The following EXTL3 variants were observed in gnomAD, a reference collection of about 807,000 sequenced individuals.
EXTL3 encodes exostosin like glycosyltransferase 3, also known as exostosin-like 3.
A neutral mutation model predicts 69.3 loss-of-function variants in EXTL3; 27 were observed. The observed-to-expected ratio is 0.39, with a 90% CI of 0.29 to 0.54. EXTL3 has a LOEUF of 0.54. EXTL3 is among the 20% of genes least tolerant of loss of function. The pLI is 0.69. For synonymous variants in EXTL3, 511 were observed against 499.4 expected (o/e 1.02, Z -0.31); for missense variants, 1,003 against 1,231.8 (o/e 0.81, Z 2.78).
At chr8:28,667,486 T>C (rs1428273795) in intron 1 of EXTL3, among the ~76,000 whole-genome samples, 1 of 152,230 alleles carries the variant, frequency 6.6e-6, no homozygotes, top group Admixed American at 6.5e-5. Flanking sequence ...GTGGCTACCC[T>C]CCTCACTGGA....
intron 1 of EXTL3, among the ~76,000 whole-genome samples, chr8:28,711,612 G>A (rs891949727): frequency 6.6e-6 from 1 of 152,174 alleles, no homozygotes; most frequent in Non-Finnish European, 1.5e-5. Context: ...ATCCTGAGCC[G>A]GGTAGTCTAG....
intron 6 of EXTL3, among the ~76,000 whole-genome samples, chr8:28,749,305 C>T (rs1801954617): frequency 6.6e-6 from 1 of 152,152 alleles, no homozygotes; most frequent in African/African-American, 2.4e-5. Flanking sequence ...AGCAACAAAT[C>T]ACTCCAAAAA....
intron 1 of EXTL3, among the ~76,000 whole-genome samples, chr8:28,630,772 C>T (rs760522150): frequency 9.2e-5 from 14 of 151,980 alleles, no homozygotes; most frequent in South Asian, 2.1e-4. Flanking sequence ...ATAACTGGGG[C>T]GGAGGAAGAC....
chr8:28,710,526 C>G (rs1232258946), intron 1 of EXTL3: 1 of 455,466 alleles, frequency 2.2e-6, no homozygotes, highest in Non-Finnish European at 4.4e-6. Flanking sequence ...AATTTTTATG[C>G]TTCTGGATAG....
intron 1 of EXTL3, among the ~76,000 whole-genome samples, chr8:28,671,314 T>TG (rs1221641212): frequency 1.0e-4 from 15 of 143,540 alleles, no homozygotes; most frequent in African/African-American, 2.4e-4. Context: ...TTTTTGTTTT[T>TG]TTTTTTTTTT....
rs146927774 is a variant in EXTL3, at chr8:28,726,391, T to G, written c.2149-4832T>G. Reference sequence around the variant, plus strand: ...AACTGTTAGAAGAAAACTTTTACTCTTCCACCCATTTAGTTTTAGTTGGCG... The same window carrying G: ...AACTGTTAGAAGAAAACTTTTACTCGTCCACCCATTTAGTTTTAGTTGGCG... On this transcript the variant is annotated intron_variant, in intron 3 of 6. Coordinates refer to ENST00000220562, the MANE Select transcript of EXTL3 (RefSeq NM_001440.4). 3.2e-4 allele frequency among the ~76,000 whole-genome samples: 49 copies of G among 152,330 alleles called. 1 individual carries two copies. The East Asian group carries it at 9.4e-3, about 29-fold the overall frequency.
intron 1 of EXTL3, among the ~76,000 whole-genome samples, chr8:28,643,395 A>G (rs890257895): frequency 6.8e-6 from 1 of 148,146 alleles, no homozygotes; most frequent in African/African-American, 2.5e-5. Context: ...TGAACCTATC[A>G]TTCTCCTGCT....
chr8:28,724,577 C>T (rs1801368990), intron 3 of EXTL3, among the ~76,000 whole-genome samples: 1 of 148,124 alleles, frequency 6.8e-6, no homozygotes, highest in Non-Finnish European at 1.5e-5. Context: ...ACCAGCCTGG[C>T]CAAGATGGTG....
upstream of EXTL3, among the ~76,000 whole-genome samples, chr8:28,619,842 G>GTTTTTT: frequency 1.1e-5 from 1 of 92,216 alleles, no homozygotes. Flanking sequence ...AGGGCTTCTG[G>GTTTTTT]TTCTTTTTTT....
intron 1 of EXTL3, among the ~76,000 whole-genome samples, chr8:28,650,422 A>C (rs1806900567): frequency 6.6e-6 from 1 of 151,834 alleles, no homozygotes; most frequent in Non-Finnish European, 1.5e-5. Context: ...CAGTGGCGCG[A>C]TATCAGCTCA....
intron 1 of EXTL3, among the ~76,000 whole-genome samples, chr8:28,684,598 T>A (rs1273634130): frequency 6.6e-6 from 1 of 151,954 alleles, no homozygotes; most frequent in Non-Finnish European, 1.5e-5. Flanking sequence ...AAAATGTTGC[T>A]GGGTATGGTG....
intron 5 of EXTL3, chr8:28,742,717 T>C (rs1768386611): frequency 3.0e-6 from 1 of 327,902 alleles, no homozygotes; most frequent in Non-Finnish European, 5.9e-6. Context: ...ACCAGGCTTT[T>C]TTCTCTCACT....
intron 3 of EXTL3, among the ~76,000 whole-genome samples, chr8:28,728,908 T>A (rs899625484): frequency 2.0e-5 from 3 of 151,854 alleles, no homozygotes; most frequent in African/African-American, 2.4e-5. Flanking sequence ...GAAAAAAAAA[T>A]TTAAGTTCTG....
intron 1 of EXTL3, among the ~76,000 whole-genome samples, chr8:28,667,213 A>T (rs891026250): frequency 1.3e-5 from 2 of 152,332 alleles, no homozygotes; most frequent in South Asian, 4.1e-4. Flanking sequence ...CCCTGAATAT[A>T]ACAGTGGCAG....
chr8:28,610,035 C>T (rs1806251231), intron 2 of EXTL3, among the ~76,000 whole-genome samples: 1 of 152,062 alleles, frequency 6.6e-6, no homozygotes, highest in Non-Finnish European at 1.5e-5. Context: ...GAAACCCCAT[C>T]TCTACTAAAA....
intron 2 of EXTL3, 28 bp from the exon 3 acceptor site, chr8:28,715,557 G>C: frequency 6.4e-6 from 1 of 157,260 alleles, no homozygotes; most frequent in East Asian, 1.9e-4. Context: ...ACTTCTTCAA[G>C]ACTGACATGG....
intron 1 of EXTL3, among the ~76,000 whole-genome samples, chr8:28,653,000 T>C (rs1236602718): frequency 6.6e-6 from 1 of 152,162 alleles, no homozygotes; most frequent in Non-Finnish European, 1.5e-5. Context: ...TCTAATACAA[T>C]TGATTAACCA....
intron 1 of EXTL3, chr8:28,710,502 G>C (rs1407763409): frequency 2.2e-6 from 1 of 456,168 alleles, no homozygotes; most frequent in Non-Finnish European, 4.4e-6. Flanking sequence ...AGAAATGAAG[G>C]TGTAAGTGGG....
chr8:28,644,873 A>T (rs954998271), intron 1 of EXTL3, among the ~76,000 whole-genome samples: 1 of 152,174 alleles, frequency 6.6e-6, no homozygotes, highest in African/African-American at 2.4e-5. Flanking sequence ...AAGGACTAGT[A>T]CTGGACCTAT....
Sources: allele counts gnomAD v4.1 joint callset (sites outside exome capture counted in the v4.1 genomes callset), GRCh38; gene constraint gnomAD v4.1.1; transcripts MANE v1.5; gene names NCBI Gene and HGNC (gene_info 2026-07-23, HGNC 2026-07-21).